RBBP5: variants seen among roughly 807,000 people sequenced by gnomAD.
RBBP5 encodes retinoblastoma-binding protein 5.
In RBBP5, 5 loss-of-function variants were observed where a neutral mutation model predicts 72.2. The ratio of observed to expected loss-of-function variants is 0.07; its 90% confidence interval spans 0.04 to 0.15. The LOEUF is 0.15. RBBP5 is among the 10% of genes least tolerant of loss of function. The probability of loss-of-function intolerance (pLI) is 1.00; values close to 1 mark genes in which losing one functional copy is unlikely to be tolerated. For missense variants in RBBP5, 322 were observed against 652.2 expected, an observed-to-expected ratio of 0.49 and a Z score of 5.51; for synonymous variants, 209 against 237.2, an observed-to-expected ratio of 0.88 and a Z score of 1.09.
Position 205,088,525 on chromosome 1 carries a change from G to T in RBBP5, c.*262C>A, listed in dbSNP as rs778686359. 12 of 453,634 alleles carry T rather than the reference G, an allele frequency of 2.6e-5. No individual in the cohort carries two copies. The highest frequency in any genetic ancestry group is 4.6e-5 in the Non-Finnish European group (12 of 258,662). The allele number at this position is 453,634 out of a possible 1,614,324, so 28.1% of individuals were successfully genotyped here. Reference sequence around the variant, plus strand: ...CATAACTAAGCATCAAAGTTTAAATGAGTCAAAATTCCTATCTGATGTCTT... The same window carrying T: ...CATAACTAAGCATCAAAGTTTAAATTAGTCAAAATTCCTATCTGATGTCTT... On this transcript the variant is annotated 3_prime_UTR_variant, in exon 14 of 14. Coordinates refer to ENST00000264515, the MANE Select transcript of RBBP5 (RefSeq NM_005057.4).
At position 205,095,042 on chromosome 1, in the gene RBBP5, C is replaced by T. The variant is rs1429727966; in HGVS notation, c.1419G>A (p.Val473=). The T allele has an allele frequency of 6.2e-7, 1 of 1,614,002 alleles. No homozygotes were observed. Among genetic ancestry groups the T allele is most frequent in the Non-Finnish European group, 8.5e-7 (1 of 1,180,020 alleles). Residue 473 remains valine (V), a synonymous_variant, in exon 13 of 14, where the codon GTG becomes GTA. Coordinates refer to ENST00000264515, the MANE Select transcript of RBBP5 (RefSeq NM_005057.4). ...PNDEVHPLLG[V]KGDGKSKKKQ... ...TCTTCTTGGATTTGCCATCCCCCTT[C>T]ACACCCAGTAGTGGATGGACTTCTG...
At chr1:205,113,960 C>T (rs146812959) in intron 3 of RBBP5, among the ~76,000 whole-genome samples, 1 of 152,288 alleles carries the variant, frequency 6.6e-6, no homozygotes, top group African/African-American at 2.4e-5. Flanking sequence ...GCTGGGATTA[C>T]AGGCGTGAAC....
In RBBP5 at chr1:205,099,512, C is replaced by T. The variant is rs908904336; in HGVS notation, c.978+229G>A. Among the ~76,000 whole-genome samples the T allele has an allele frequency of 6.6e-6, 1 of 151,974 alleles. No individual in the cohort carries two copies. Among genetic ancestry groups the T allele is most frequent in the African/African-American group, 2.4e-5 (1 of 41,376 alleles). On this transcript the variant is annotated intron_variant, in intron 9 of 13. Coordinates refer to ENST00000264515, the MANE Select transcript of RBBP5 (RefSeq NM_005057.4). This position sits in a 1 kb window ranked among gnomAD's most constrained non-coding sequence, Gnocchi z 4.7. ...TCAAATAAATAATAGAAAAATGCAACAGAAAGTTCAATAGAGTTTCTCCCT... is the reference window on the plus strand; with the variant it reads ...TCAAATAAATAATAGAAAAATGCAATAGAAAGTTCAATAGAGTTTCTCCCT...
intron 2 of RBBP5, among the ~76,000 whole-genome samples, chr1:205,115,412 A>C (rs1656481633): frequency 6.6e-6 from 1 of 152,210 alleles, no homozygotes; most frequent in Non-Finnish European, 1.5e-5. Flanking sequence ...GAGAAGTCAA[A>C]TTATTTCATA....
At chr1:205,118,431 G>A (rs1656612346) in intron 1 of RBBP5, among the ~76,000 whole-genome samples, 1 of 151,736 alleles carries the variant, frequency 6.6e-6, no homozygotes. Flanking sequence ...CCAACATGGT[G>A]AAACCCTGTC....
At position 205,099,115 on chromosome 1, in the gene RBBP5, C is replaced by T. The variant is rs1360418853; in HGVS notation, c.979-9G>A. On this transcript the variant is annotated splice_polypyrimidine_tract_variant and intron_variant, in intron 9 of 13. Coordinates refer to ENST00000264515, the MANE Select transcript of RBBP5 (RefSeq NM_005057.4). This position sits in a 1 kb window ranked among gnomAD's most constrained non-coding sequence, Gnocchi z 4.7. ...AATGCACTCCAGTTTTCCTATACAA[C>T]AAGATATACTACTTAACCATATGTG... is the stretch of plus-strand genomic sequence containing the variant. 1 of 1,523,046 alleles carries T rather than the reference C, an allele frequency of 6.6e-7. No homozygotes were observed. Among genetic ancestry groups the T allele is most frequent in the Non-Finnish European group, 9.1e-7 (1 of 1,104,212 alleles). The allele number at this position is 1,523,046 out of a possible 1,614,324, so 94.3% of individuals were successfully genotyped here. A position where few individuals can be genotyped will look rare whatever the true frequency, so the allele number is the denominator to read the frequency against.
At chr1:205,113,685 TA>T (rs1179899812) in intron 3 of RBBP5, among the ~76,000 whole-genome samples, 1 of 57,730 alleles carries the variant, frequency 1.7e-5, no homozygotes, top group Non-Finnish European at 4.6e-5. Flanking sequence ...TAAAAATGTG[TA>T]TTTTTTTTTT....
intron 13 of RBBP5, among the ~76,000 whole-genome samples, chr1:205,092,350 T>G (rs969216455): frequency 6.6e-6 from 1 of 152,208 alleles, no homozygotes; most frequent in Non-Finnish European, 1.5e-5. Flanking sequence ...GGTCTCACTA[T>G]GTTGCCCAGG....
intron 3 of RBBP5, among the ~76,000 whole-genome samples, chr1:205,109,879 G>A (rs574933942): frequency 1.3e-5 from 2 of 152,156 alleles, no homozygotes; most frequent in Non-Finnish European, 2.9e-5. Context: ...TAACAAGGGG[G>A]GTGGCAAGCT....
chr1:205,088,921 G>T, intron 13 of RBBP5, 106 bp from the exon 14 acceptor site: 2 of 1,012,618 alleles, frequency 2.0e-6, no homozygotes, highest in South Asian at 1.7e-5. Context: ...AGCACACGTG[G>T]ACCAAGAAAT....
chr1:205,107,531 G>T (rs112220919), intron 3 of RBBP5, among the ~76,000 whole-genome samples: 2 of 152,156 alleles, frequency 1.3e-5, no homozygotes, highest in African/African-American at 4.8e-5. Context: ...GACACTTGTT[G>T]CTAGCAGACA....
chr1:205,100,787 A>T (rs898966547), intron 6 of RBBP5, among the ~76,000 whole-genome samples: 1 of 152,232 alleles, frequency 6.6e-6, no homozygotes, highest in East Asian at 1.9e-4. Context: ...CCTCTAAGTC[A>T]GCTGTCCCCA....
chr1:205,106,635 T>A (rs1319647252), intron 3 of RBBP5, among the ~76,000 whole-genome samples: 1 of 152,130 alleles, frequency 6.6e-6, no homozygotes, highest in Non-Finnish European at 1.5e-5. Context: ...TACAGTCTCA[T>A]AATACCCAAA....
chr1:205,103,058 G>A (rs1049012089), intron 5 of RBBP5, among the ~76,000 whole-genome samples: 5 of 149,218 alleles, frequency 3.4e-5, no homozygotes, highest in East Asian at 3.9e-4. Context: ...CTATAATCAC[G>A]GCACTTTAGG....
chr1:205,093,554 A>ACACACACG (rs1183968377), intron 13 of RBBP5, among the ~76,000 whole-genome samples: 14 of 123,434 alleles, frequency 1.1e-4, no homozygotes, highest in Middle Eastern at 7.6e-3. Flanking sequence ...ACACACACAC[A>ACACACACG]CACACACACA....
chr1:205,098,844 CAA>C (rs71147725), intron 10 of RBBP5, 143 bp downstream of exon 10: 17,263 of 280,872 alleles, frequency 0.061, no homozygotes, highest in Non-Finnish European at 0.071. Flanking sequence ...AATTCCATCT[CAA>C]AAAAAAAAAA....
intron 4 of RBBP5, 110 bp from the exon 5 acceptor site, chr1:205,104,129 G>T: frequency 8.5e-7 from 1 of 1,172,912 alleles, no homozygotes; most frequent in Non-Finnish European, 1.2e-6. Context: ...TCCCACCCAA[G>T]CAAATTTGAA....
intron 1 of RBBP5, among the ~76,000 whole-genome samples, chr1:205,118,575 T>C (rs1656618566): frequency 6.6e-6 from 1 of 151,892 alleles, no homozygotes; most frequent in Admixed American, 6.6e-5. Flanking sequence ...ATCGCCAAGA[T>C]CATGCCACTG....
Position 205,099,218 on chromosome 1 carries a change from T to A in RBBP5, c.979-112A>T. Reference sequence around the variant, plus strand: ...TGAAAGGAATTCACAATTCTTAGATTAAATTTGGCAGACAAGAAAAAAATG... The same window carrying A: ...TGAAAGGAATTCACAATTCTTAGATAAAATTTGGCAGACAAGAAAAAAATG... On this transcript the variant is annotated intron_variant, in intron 9 of 13. Coordinates refer to ENST00000264515, the MANE Select transcript of RBBP5 (RefSeq NM_005057.4). The surrounding 1 kb of genome is among the most constrained non-coding windows in gnomAD (Gnocchi z 4.7). 1.5e-6 allele frequency: 1 copy of A among 671,718 alleles called. No homozygotes were observed. Among genetic ancestry groups the A allele is most frequent in the Non-Finnish European group, 2.3e-6 (1 of 437,874 alleles). The allele number at this position is 671,718 out of a possible 1,614,324, so 41.6% of individuals were successfully genotyped here. A position where few individuals can be genotyped will look rare whatever the true frequency, so the allele number is the denominator to read the frequency against.
Sources: allele counts gnomAD v4.1 joint callset (sites outside exome capture counted in the v4.1 genomes callset), GRCh38; gene constraint gnomAD v4.1.1; non-coding constraint Gnocchi (gnomAD v3.1); transcripts MANE v1.5; gene names NCBI Gene and HGNC (gene_info 2026-07-23, HGNC 2026-07-21).